The following DNAJA3 variants were observed in gnomAD, a reference collection of about 807,000 sequenced individuals.
DNAJA3 encodes DnaJ heat shock protein family (Hsp40) member A3, also known as dnaJ homolog subfamily A member 3, mitochondrial.
DNAJA3 carries 29 observed loss-of-function variants against 54.9 expected under a neutral mutation model. The observed-to-expected ratio is 0.53, with a 90% CI of 0.39 to 0.72. The LOEUF (loss-of-function observed/expected upper bound fraction) is 0.72, where lower values mean the gene tolerates loss of function less well. DNAJA3 is among the 30% of genes least tolerant of loss of function. The pLI, the probability that DNAJA3 is intolerant of heterozygous loss-of-function variation, is 0.00. For missense variants in DNAJA3, 708 were observed against 639.4 expected, an observed-to-expected ratio of 1.11 and a Z score of -1.16; for synonymous variants, 302 against 251.4, an observed-to-expected ratio of 1.20 and a Z score of -1.90.
chr16:4,454,741 G>C (rs940196624), intron 10 of DNAJA3, 70 bp from the exon 11 acceptor site: 89 of 1,229,766 alleles, frequency 7.2e-5, no homozygotes, highest in Non-Finnish European at 9.5e-5. Flanking sequence ...GGCGGGGGTA[G>C]GTGGGCCCTG....
At chr16:4,442,920 G>A (rs1477739608) in intron 5 of DNAJA3, 97 bp from the exon 6 acceptor site, 38 of 1,416,968 alleles carry the variant, frequency 2.7e-5, no homozygotes, top group Non-Finnish European at 3.6e-5. Flanking sequence ...TAAAAAACAA[G>A]CCTTAAAGAG....
chr16:4,435,201 T>A lies in DNAJA3; in HGVS notation c.345+684T>A, dbSNP rs139864164. ...AGGCGTGAGCCACCGCGCCTGGCCCTTTCTTAACCTGGAAAATGTGAAATT... is the reference window on the plus strand; with the variant it reads ...AGGCGTGAGCCACCGCGCCTGGCCCATTCTTAACCTGGAAAATGTGAAATT... On this transcript the variant is annotated intron_variant, in intron 2 of 11. Coordinates refer to ENST00000262375, the MANE Select transcript of DNAJA3 (RefSeq NM_005147.6). 6.1e-3 allele frequency among the ~76,000 whole-genome samples: 928 copies of A among 152,094 alleles called. 14 individuals are homozygous for A. Among genetic ancestry groups the A allele is most frequent in the African/African-American group, 0.021 (880 of 41,502 alleles).
At chr16:4,441,054 G>A (rs2056830750) in intron 3 of DNAJA3, 1 of 428,822 alleles carries the variant, frequency 2.3e-6, no homozygotes, top group Admixed American at 4.1e-5. Context: ...TGAGGAGAGA[G>A]GTGAAGTGTG....
chr16:4,445,858 A>G (rs1239800279), intron 7 of DNAJA3, among the ~76,000 whole-genome samples: 1 of 149,406 alleles, frequency 6.7e-6, no homozygotes, highest in East Asian at 2.0e-4. Flanking sequence ...GGCCTGTGAT[A>G]TTTTGTTACC....
At chr16:4,433,637 G>A (rs561915411) in intron 1 of DNAJA3, among the ~76,000 whole-genome samples, 3 of 152,206 alleles carry the variant, frequency 2.0e-5, no homozygotes, top group Non-Finnish European at 4.4e-5. Flanking sequence ...GGAAAAGAAT[G>A]TGGGGAGTTG....
intron 6 of DNAJA3, 31 bp downstream of exon 6, chr16:4,443,195 C>T: frequency 6.2e-7 from 1 of 1,612,318 alleles, no homozygotes; most frequent in Non-Finnish European, 8.5e-7. Flanking sequence ...TGTCCAGGAG[C>T]TTGGAGAGGG....
rs910729771 is a variant in DNAJA3, at chr16:4,441,584, C to T, written c.630+9C>T. 5.0e-6 allele frequency: 8 copies of T among 1,612,344 alleles called. No homozygotes were observed. The highest frequency in any genetic ancestry group is 6.8e-6 in the Non-Finnish European group (8 of 1,179,462). ...TTGATCAGCCTCAGGAAGTAAGTTC[C>T]TCACTTGGAAGAATTATTCAAATTT... is the stretch of plus-strand genomic sequence containing the variant. On this transcript the variant is annotated intron_variant, in intron 4 of 11. Transcript: ENST00000262375.
intron 1 of DNAJA3, among the ~76,000 whole-genome samples, chr16:4,426,485 C>T (rs1469847029): frequency 6.6e-6 from 1 of 152,196 alleles, no homozygotes; most frequent in African/African-American, 2.4e-5. Context: ...TGCAAGATGC[C>T]TGCCGTCATC....
chr16:4,428,086 G>C (rs560608272), intron 1 of DNAJA3, among the ~76,000 whole-genome samples: 148 of 143,968 alleles, frequency 1.0e-3, no homozygotes, highest in African/African-American at 3.4e-3. Flanking sequence ...TGAGTAGCTG[G>C]GACTACAGGC....
rs375043380 is a variant in DNAJA3 at position 4,437,498 on chromosome 16, C to T, written c.429+13C>T. On this transcript the variant is annotated intron_variant, in intron 3 of 11. Coordinates refer to ENST00000262375, the MANE Select transcript of DNAJA3 (RefSeq NM_005147.6). The stretch of plus-strand genomic sequence containing the variant: ...AGAAGCCTATGAGGTAATATGACTT[C>T]GGTGCATGCGGTCACTGCTGTTCAG... 9.9e-5 allele frequency: 159 copies of T among 1,607,116 alleles called. No homozygotes were observed. Among genetic ancestry groups the T allele is most frequent in the Non-Finnish European group, 1.2e-4 (137 of 1,174,054 alleles).
At chr16:4,453,646 G>A (rs547272058) in intron 10 of DNAJA3, among the ~76,000 whole-genome samples, 17 of 152,080 alleles carry the variant, frequency 1.1e-4, no homozygotes, top group Non-Finnish European at 2.2e-4. Context: ...GTTCGAGGCC[G>A]GTCTCGAACT....
intron 8 of DNAJA3, among the ~76,000 whole-genome samples, chr16:4,448,267 T>C (rs1416394175): frequency 6.8e-6 from 1 of 146,344 alleles, no homozygotes; most frequent in Admixed American, 6.8e-5. Flanking sequence ...CCTCGTGATC[T>C]GCCTGCCTCA....
At chr16:4,432,242 C>A (rs560369176) in intron 1 of DNAJA3, among the ~76,000 whole-genome samples, 1 of 150,642 alleles carries the variant, frequency 6.6e-6, no homozygotes, top group East Asian at 1.9e-4. Flanking sequence ...AGGCTGGTTT[C>A]GAACTCCTGG....
intron 3 of DNAJA3, among the ~76,000 whole-genome samples, chr16:4,439,508 C>T (rs763846475): frequency 1.3e-5 from 2 of 152,118 alleles, no homozygotes; most frequent in Non-Finnish European, 2.9e-5. Context: ...TACAGGTTCC[C>T]CACTGCACCC....
chr16:4,429,444 G>C (rs909477122), intron 1 of DNAJA3, among the ~76,000 whole-genome samples: 10 of 149,710 alleles, frequency 6.7e-5, no homozygotes, highest in African/African-American at 2.0e-4. Context: ...GGATGGTCTC[G>C]ATCTCTTTAC....
At chr16:4,451,898 A>G (rs1490997137) in intron 10 of DNAJA3, among the ~76,000 whole-genome samples, 2 of 28,092 alleles carry the variant, frequency 7.1e-5, no homozygotes, top group Non-Finnish European at 3.1e-4. Context: ...GTCTCTACTA[A>G]AAAAAAAAAA....
chr16:4,450,399 G>A lies in DNAJA3; in HGVS notation c.1242-1G>A. The stretch of plus-strand genomic sequence containing the variant: ...GGCTGCTGACTCTGCTCGGTCCACA[G>A]GAGGCTAACGAGCCGGCAGCAGAGC... On this transcript the variant is annotated splice_acceptor_variant, in intron 9 of 11. Coordinates refer to ENST00000262375, the MANE Select transcript of DNAJA3 (RefSeq NM_005147.6). LOFTEE classifies it high-confidence loss of function. 6.2e-7 allele frequency: 1 copy of A among 1,602,980 alleles called. No individual in the cohort carries two copies. Among genetic ancestry groups the A allele is most frequent in the Non-Finnish European group, 8.5e-7 (1 of 1,175,860 alleles).
chr16:4,454,559 C>G (rs998186346), intron 10 of DNAJA3, among the ~76,000 whole-genome samples: 3 of 152,340 alleles, frequency 2.0e-5, no homozygotes, highest in African/African-American at 7.2e-5. Flanking sequence ...TTTCTTGTTT[C>G]CCTGCTGTGG....
chr16:4,454,119 C>T (rs1052500024), intron 10 of DNAJA3, among the ~76,000 whole-genome samples: 1 of 152,170 alleles, frequency 6.6e-6, no homozygotes, highest in Non-Finnish European at 1.5e-5. Flanking sequence ...ACAACTTGCT[C>T]AGGGAGATAG....
Sources: gnomAD v4.1 joint callset for allele counts (sites outside exome capture counted in the v4.1 genomes callset) on GRCh38, gnomAD v4.1.1 for gene constraint, MANE v1.5 for transcripts, NCBI Gene and HGNC (gene_info 2026-07-23, HGNC 2026-07-21) for gene names.